Variants in PRRC2B observed in about 807,000 individuals in gnomAD.
PRRC2B encodes protein PRRC2B.
PRRC2B carries 68 observed loss-of-function variants against 242.3 expected under a neutral mutation model. The observed-to-expected ratio is 0.28, with a 90% confidence interval of 0.23 to 0.34. PRRC2B has a LOEUF of 0.34. Among genes scored for constraint, PRRC2B ranks in the 10% least tolerant of loss-of-function variants. The pLI, the probability that PRRC2B is intolerant of heterozygous loss-of-function variation, is 1.00. For synonymous variants in PRRC2B, 1,228 were observed against 1,173.6 expected (o/e 1.05, Z -0.95); for missense variants, 2,835 against 2,954.8 (o/e 0.96, Z 0.94).
Position 131,475,560 on chromosome 9 carries a change from T to C in PRRC2B, c.3431T>C (p.Leu1144Pro). ...THSEGSEYEE[L>P]PKRRRQRGSE... The stretch of plus-strand genomic sequence containing the variant: ...AGCGAGGGCTCAGAGTATGAAGAAC[T>C]TCCCAAGCGCCGCCGGCAGAGGGGC... Residue 1144 changes from leucine to proline, a missense_variant, in exon 16 of 32, where the codon CTT becomes CCT. Coordinates refer to ENST00000683519, the MANE Select transcript of PRRC2B (RefSeq NM_013318.4). The C allele has an allele frequency of 6.2e-7, 1 of 1,612,738 alleles. No homozygotes were observed. Among genetic ancestry groups the C allele is most frequent in the Non-Finnish European group, 8.5e-7 (1 of 1,179,818 alleles).
upstream of PRRC2B, among the ~76,000 whole-genome samples, chr9:131,390,568 T>C (rs1309034059): frequency 2.2e-5 from 3 of 136,218 alleles, no homozygotes; most frequent in East Asian, 2.4e-4. Context: ...GTGCAAGCTC[T>C]GCCTCCCAGG....
rs765472566 is a variant in PRRC2B at position 131,446,674 on chromosome 9, C to A, written c.855+32C>A. 5.6e-6 allele frequency: 9 copies of A among 1,609,902 alleles called. No homozygotes were observed. Among genetic ancestry groups the A allele is most frequent in the Admixed American group, 1.7e-5 (1 of 59,848 alleles). Reference sequence around the variant, plus strand: ...CTTCAGAGTGTACTTTTTTTCCCCCCATGAAGTTGGATTGTGTCCAGCAGA... The same window carrying A: ...CTTCAGAGTGTACTTTTTTTCCCCCAATGAAGTTGGATTGTGTCCAGCAGA... On this transcript the variant is annotated intron_variant, in intron 7 of 31. Transcript: ENST00000683519. This position sits in a 1 kb window ranked among gnomAD's most constrained non-coding sequence, Gnocchi z 4.1.
At position 131,494,314 on chromosome 9, in the gene PRRC2B, C is replaced by T; in HGVS notation, c.6474-91C>T. On this transcript the variant is annotated intron_variant, in intron 30 of 31. Transcript: ENST00000683519. This position sits in a 1 kb window ranked among gnomAD's most constrained non-coding sequence, Gnocchi z 4.3. ...GAGCGCCTCTGGCCGCAGGCCCTTC[C>T]TTCCTTGTGCCTCCTCCATGTGCTA... 1.4e-6 allele frequency: 1 copy of T among 704,846 alleles called. No homozygotes were observed. The highest frequency in any genetic ancestry group is 1.8e-5 in the South Asian group (1 of 56,826). 43.7% of individuals were successfully genotyped at this position (704,846 alleles called of 1,614,324 possible). A position where few individuals can be genotyped will look rare whatever the true frequency, so the allele number is the denominator to read the frequency against.
intron 3 of PRRC2B, 38 bp downstream of exon 3, chr9:131,432,832 C>T (rs955887452): frequency 3.1e-6 from 5 of 1,604,294 alleles, no homozygotes; most frequent in Non-Finnish European, 3.4e-6. Context: ...GGAGCTGGCG[C>T]TCCAAGGGTG....
In PRRC2B at chr9:131,388,136, C is replaced by T. The variant is rs1020527715; in HGVS notation, c.-56+14405C>T. On this transcript the variant is annotated intron_variant, in intron 1 of 1. Coordinates refer to the PRRC2B transcript ENST00000682525. ...GCGGGGGGCCGAGGTTGCAGTGAGC[C>T]GAGATTGCTCCACTGCACTCCAGCC... Among the ~76,000 whole-genome samples, 7 of 147,482 alleles carry T rather than the reference C, an allele frequency of 4.7e-5. 1 individual carries two copies. The East Asian group carries it at 8.0e-4, about 17-fold the overall frequency.
In PRRC2B at chr9:131,495,781, G is replaced by A. The variant is rs1564304974; in HGVS notation, c.6597G>A (p.Val2199=). The change falls in exon 32 of 32, where the codon GTG becomes GTA. Residue 2199 remains valine (V), a synonymous_variant. Coordinates refer to ENST00000683519, the MANE Select transcript of PRRC2B (RefSeq NM_013318.4). The part of the protein sequence containing the change: ...RVDEKPSLGA[V]KLQEAPSAAS... ...ATGAGAAACCCAGCCTGGGAGCCGT[G>A]AAGCTGCAGGAGGCCCCCTCGGCTG... 6.2e-7 allele frequency: 1 copy of A among 1,612,902 alleles called. No individual in the cohort carries two copies. Among genetic ancestry groups the A allele is most frequent in the Non-Finnish European group, 8.5e-7 (1 of 1,178,984 alleles).
intron 12 of PRRC2B, among the ~76,000 whole-genome samples, chr9:131,467,113 T>A (rs1321358043): frequency 6.6e-6 from 1 of 152,082 alleles, no homozygotes; most frequent in Non-Finnish European, 1.5e-5. Context: ...TTTTGTACTT[T>A]CAATAGAAAT....
Position 131,490,429 on chromosome 9 carries a change from C to T in PRRC2B, c.6226-996C>T, listed in dbSNP as rs1204832829. On this transcript the variant is annotated intron_variant, in intron 28 of 31. Coordinates refer to ENST00000683519, the MANE Select transcript of PRRC2B (RefSeq NM_013318.4). ...GCATCTTCCCATCATTTTCATCCTG[C>T]ACCATTTTGGTGCTCCAAGGAGGAG... 8 of 518,568 alleles carry T rather than the reference C, an allele frequency of 1.5e-5. No homozygotes were observed. In the Admixed American group the frequency reaches 1.6e-4, roughly 10 times the overall value. 32.1% of individuals were successfully genotyped at this position (518,568 alleles called of 1,614,324 possible).
intron 1 of PRRC2B, 133 bp from the exon 2 acceptor site, chr9:131,429,961 C>T (rs958359731): frequency 1.7e-6 from 1 of 595,884 alleles, no homozygotes; most frequent in Non-Finnish European, 3.0e-6. Flanking sequence ...CAGTCCAAAG[C>T]CATCTTCAGA....
intron 28 of PRRC2B, chr9:131,490,734 C>T: frequency 2.6e-6 from 1 of 387,894 alleles, no homozygotes; most frequent in South Asian, 1.9e-5. Flanking sequence ...TGGAATCCAG[C>T]CCAGTCTTGT....
intron 11 of PRRC2B, among the ~76,000 whole-genome samples, chr9:131,459,617 C>T (rs542738219): frequency 6.6e-6 from 1 of 151,832 alleles, no homozygotes; most frequent in South Asian, 2.1e-4. Flanking sequence ...AGGTCTTGCT[C>T]TATCCTTCAC....
intron 2 of PRRC2B, among the ~76,000 whole-genome samples, chr9:131,430,793 A>G (rs1482250800): frequency 6.7e-6 from 1 of 150,264 alleles, no homozygotes; most frequent in Non-Finnish European, 1.5e-5. Context: ...GGGTTTCCCC[A>G]TGTTAGTGAG....
intron 31 of PRRC2B, among the ~76,000 whole-genome samples, chr9:131,495,084 G>T (rs116840392): frequency 1.3e-5 from 2 of 152,166 alleles, no homozygotes; most frequent in Non-Finnish European, 2.9e-5. Context: ...TCCCCTAGGG[G>T]TCATGAAAGT....
chr9:131,483,203 G>A (rs908617706), intron 22 of PRRC2B, among the ~76,000 whole-genome samples, 156 bp from the exon 23 acceptor site: 1 of 152,210 alleles, frequency 6.6e-6, no homozygotes, highest in Non-Finnish European at 1.5e-5. Flanking sequence ...CTGTGCCGTG[G>A]GGAAAATCTG....
At chr9:131,447,955 T>G (rs1258423996) in intron 9 of PRRC2B, 151 bp downstream of exon 9, 15 of 676,628 alleles carry the variant, frequency 2.2e-5, no homozygotes, top group Middle Eastern at 4.5e-4. Flanking sequence ...ATGCCCTCCT[T>G]CCTCATTTAC....
rs776981307 is a variant in PRRC2B at position 131,432,664 on chromosome 9, C to A, written c.163C>A (p.Arg55=). 6.2e-7 allele frequency: 1 copy of A among 1,613,912 alleles called. No homozygotes were observed. The highest frequency in any genetic ancestry group is 1.1e-5 in the South Asian group (1 of 91,084). ...GAGTCTTGGGAAAGTTGCTGCAGCC[C>A]GGCGCATGCCACCGCCTGCAAACCT... ...LQSLGKVAAA[R]RMPPPANLPS... Residue 55 remains arginine, a synonymous_variant, in exon 3 of 32, where the codon CGG becomes AGG. Transcript: ENST00000683519.
intron 6 of PRRC2B, among the ~76,000 whole-genome samples, chr9:131,445,390 C>G (rs1446213086): frequency 6.6e-6 from 1 of 152,144 alleles, no homozygotes; most frequent in Non-Finnish European, 1.5e-5. Flanking sequence ...AACTCCTGAC[C>G]TCAGGTGATC....
At chr9:131,479,007 A>G (rs903550675) in intron 18 of PRRC2B, among the ~76,000 whole-genome samples, 1 of 152,070 alleles carries the variant, frequency 6.6e-6, no homozygotes, top group Non-Finnish European at 1.5e-5. Context: ...CGTGAACGCT[A>G]TACTAAAATG....
chr9:131,444,306 A>G lies in PRRC2B; in HGVS notation c.591A>G (p.Pro197=). 6.2e-7 allele frequency: 1 copy of G among 1,613,158 alleles called. No individual in the cohort carries two copies. Among genetic ancestry groups the G allele is most frequent in the Non-Finnish European group, 8.5e-7 (1 of 1,179,514 alleles). Residue 197 remains proline, a synonymous_variant, in exon 6 of 32, where the codon CCA becomes CCG. Transcript: ENST00000683519. ...GCGTCTTAGATCTGTCGTATGGGCCAGGACCAAGCCTCCGCCCTCAGAGTA... is the reference window on the plus strand; with the variant it reads ...GCGTCTTAGATCTGTCGTATGGGCCGGGACCAAGCCTCCGCCCTCAGAGTA... ...EKGVLDLSYG[P]GPSLRPQNVT...
Sources: gnomAD v4.1 joint callset for allele counts (sites outside exome capture counted in the v4.1 genomes callset) on GRCh38, gnomAD v4.1.1 for gene constraint, Gnocchi (gnomAD v3.1) non-coding constraint, MANE v1.5 for transcripts, NCBI Gene and HGNC (gene_info 2026-07-23, HGNC 2026-07-21) for gene names.